Variants in TRERF1 observed in about 807,000 individuals in gnomAD.
TRERF1 encodes transcriptional-regulating factor 1.
Under a neutral mutation model 122.9 loss-of-function variants are expected in TRERF1, and 27 were observed. The ratio of observed to expected loss-of-function variants is 0.22; its 90% CI spans 0.16 to 0.30. TRERF1 has a LOEUF of 0.30. Ranked by LOEUF, TRERF1 falls within the 10% of genes least tolerant of loss-of-function variation. The pLI is 1.00. For missense variants in TRERF1, 1,248 were observed against 1,560.3 expected (o/e 0.80, Z 3.37); for synonymous variants, 636 against 641.7 (o/e 0.99, Z 0.13).
chr6:42,380,758 A>G (rs1775777762), intron 2 of TRERF1, among the ~76,000 whole-genome samples: 1 of 152,180 alleles, frequency 6.6e-6, no homozygotes, highest in Non-Finnish European at 1.5e-5. Context: ...AATGTCCTCT[A>G]AAGATTACAA....
intron 2 of TRERF1, among the ~76,000 whole-genome samples, chr6:42,442,351 T>C (rs1027164032): frequency 2.0e-5 from 3 of 152,014 alleles, no homozygotes; most frequent in Admixed American, 1.3e-4. Context: ...GCCTCTGTAA[T>C]GACAAAGACC....
intron 3 of TRERF1, among the ~76,000 whole-genome samples, chr6:42,325,185 C>T (rs902887179): frequency 1.3e-4 from 20 of 152,106 alleles, no homozygotes; most frequent in Non-Finnish European, 1.5e-5. Flanking sequence ...CACAGAAATG[C>T]AAATCAAAGC....
intron 2 of TRERF1, among the ~76,000 whole-genome samples, chr6:42,403,807 C>A (rs1779764432): frequency 6.6e-6 from 1 of 152,196 alleles, no homozygotes; most frequent in Non-Finnish European, 1.5e-5. Context: ...TCCTTCAAAT[C>A]TATGGTCTCC....
chr6:42,298,357 T>C (rs1487617249), intron 4 of TRERF1, among the ~76,000 whole-genome samples: 1 of 151,574 alleles, frequency 6.6e-6, no homozygotes, highest in Admixed American at 6.6e-5. Context: ...GGTTTCACCA[T>C]GTTGGCCAGG....
chr6:42,312,861 G>A (rs1370844001), intron 3 of TRERF1, among the ~76,000 whole-genome samples: 1 of 152,168 alleles, frequency 6.6e-6, no homozygotes, highest in Non-Finnish European at 1.5e-5. Flanking sequence ...ACACGAAATA[G>A]GTTCTACCAA....
chr6:42,228,819 C>A lies in TRERF1; in HGVS notation c.3279-150G>T, dbSNP rs928630887. 9.6e-6 allele frequency: 7 copies of A among 732,198 alleles called. No homozygotes were observed. In the East Asian group the frequency reaches 1.7e-4, roughly 18 times the overall value. The allele number at this position is 732,198 out of a possible 1,614,324, so 45.4% of individuals were successfully genotyped here. On this transcript the variant is annotated intron_variant, in intron 17 of 17. Transcript: ENST00000372922. The surrounding 1 kb of genome is among the most constrained non-coding windows in gnomAD (Gnocchi z 4.2). ...ACCTCCTTCCCCTGTGACCTGTCAC[C>A]TCTCTTCCTTCCTCTCCAAGCATTA...
chr6:42,401,625 T>G (rs1015956125), intron 2 of TRERF1, among the ~76,000 whole-genome samples: 4 of 152,182 alleles, frequency 2.6e-5, no homozygotes, highest in African/African-American at 7.2e-5. Flanking sequence ...AGAGCCTGCT[T>G]GCAGAGAACC....
intron 4 of TRERF1, among the ~76,000 whole-genome samples, chr6:42,291,888 A>G (rs1474393917): frequency 6.6e-6 from 1 of 152,128 alleles, no homozygotes; most frequent in East Asian, 1.9e-4. Flanking sequence ...CTCATTGGAG[A>G]GAAACAAATG....
intron 2 of TRERF1, among the ~76,000 whole-genome samples, chr6:42,422,086 C>T (rs2151567687): frequency 6.6e-6 from 1 of 151,808 alleles, no homozygotes; most frequent in African/African-American, 2.4e-5. Flanking sequence ...CAGGAAGAAT[C>T]GTTTGAACCC....
At chr6:42,316,763 T>C (rs1361565729) in intron 3 of TRERF1, among the ~76,000 whole-genome samples, 1 of 152,192 alleles carries the variant, frequency 6.6e-6, no homozygotes, top group South Asian at 2.1e-4. Flanking sequence ...ATTAGGATTA[T>C]GGGAGGGGCC....
At chr6:42,392,816 T>C (rs1777962071) in intron 2 of TRERF1, among the ~76,000 whole-genome samples, 1 of 152,116 alleles carries the variant, frequency 6.6e-6, no homozygotes, top group African/African-American at 2.4e-5. Flanking sequence ...GACCTATAAA[T>C]TCAAACTCAA....
At chr6:42,285,510 C>T (rs1783044017) in intron 4 of TRERF1, among the ~76,000 whole-genome samples, 1 of 152,026 alleles carries the variant, frequency 6.6e-6, no homozygotes, top group African/African-American at 2.4e-5. Flanking sequence ...TCAGAACTTC[C>T]AACACTATGT....
At chr6:42,326,197 C>A (rs1764263277) in intron 3 of TRERF1, among the ~76,000 whole-genome samples, 2 of 151,998 alleles carry the variant, frequency 1.3e-5, no homozygotes, top group African/African-American at 4.8e-5. Flanking sequence ...AAATTCAGTG[C>A]AACACTGGCC....
chr6:42,335,020 C>G (rs185267350), intron 3 of TRERF1, among the ~76,000 whole-genome samples: 2 of 152,250 alleles, frequency 1.3e-5, no homozygotes, highest in Admixed American at 1.3e-4. Context: ...TAGAAATGAT[C>G]TTGCTGGATC....
intron 3 of TRERF1, among the ~76,000 whole-genome samples, chr6:42,329,974 G>C (rs511414): frequency 4.9e-4 from 75 of 152,096 alleles, no homozygotes; most frequent in African/African-American, 1.7e-3. Flanking sequence ...GGGCGACAGA[G>C]CAAGACTCTG....
At chr6:42,306,189 T>G (rs902638257) in intron 3 of TRERF1, among the ~76,000 whole-genome samples, 1 of 151,860 alleles carries the variant, frequency 6.6e-6, no homozygotes, top group African/African-American at 2.4e-5. Context: ...TTTAATAGAA[T>G]GGAGGTTTTG....
chr6:42,299,235 T>TATCTATCTATC (rs1276378616), intron 4 of TRERF1, among the ~76,000 whole-genome samples: 1 of 151,512 alleles, frequency 6.6e-6, no homozygotes, highest in Non-Finnish European at 1.5e-5. Context: ...TCTATCTATC[T>TATCTATCTATC]ATCTATCATC....
At chr6:42,407,068 C>T (rs1780283580) in intron 2 of TRERF1, among the ~76,000 whole-genome samples, 1 of 152,216 alleles carries the variant, frequency 6.6e-6, no homozygotes, top group Non-Finnish European at 1.5e-5. Flanking sequence ...TAAAGGAACT[C>T]AACACTAGAA....
intron 2 of TRERF1, among the ~76,000 whole-genome samples, chr6:42,423,608 C>CTGCATTTGTAGTGATCAAAAAA: frequency 6.6e-6 from 1 of 152,108 alleles, no homozygotes; most frequent in African/African-American, 2.4e-5. Flanking sequence ...CATATCCTAT[C>CTGCATTTGTAGTGATCAAAAAA]TGCATTTGTA....
Sources: allele counts gnomAD v4.1 joint callset (sites outside exome capture counted in the v4.1 genomes callset), GRCh38; gene constraint gnomAD v4.1.1; non-coding constraint Gnocchi (gnomAD v3.1); transcripts MANE v1.5; gene names NCBI Gene and HGNC (gene_info 2026-07-23, HGNC 2026-07-21).